The following ZNF503 variants were observed in gnomAD, a reference collection of about 807,000 sequenced individuals.
ZNF503 encodes zinc finger protein 503, also known as NocA-like zinc finger 2.
A neutral mutation model predicts 34.4 loss-of-function variants in ZNF503; 15 were observed. The ratio of observed to expected loss-of-function variants is 0.44; its 90% confidence interval spans 0.29 to 0.67. The LOEUF is 0.67. Among genes scored for constraint, ZNF503 ranks in the 30% least tolerant of loss-of-function variants. ZNF503 has a pLI of 0.13. For missense variants in ZNF503, 1,007 were observed against 926.8 expected (o/e 1.09, Z -1.12); for synonymous variants, 580 against 456.8 (o/e 1.27, Z -3.44).
At chr10:75,347,625 T>A in the ZNF503 span, among the ~76,000 whole-genome samples, 1 of 152,192 alleles carries the variant, frequency 6.6e-6, no homozygotes, top group African/African-American at 2.4e-5. Context: ...CCCAGCCTTC[T>A]CTCCCTCGGA....
Position 75,399,203 on chromosome 10 carries a change from G to C in ZNF503, c.1487C>G (p.Ala496Gly), listed in dbSNP as rs1843745956. The change falls in exon 2 of 2, where the codon GCC (alanine) becomes GGC (glycine). Residue 496 changes from alanine to glycine, a missense_variant. By Grantham distance (60) the Ala-to-Gly change is moderately conservative. Coordinates refer to ENST00000372524, the MANE Select transcript of ZNF503 (RefSeq NM_032772.6). ...GCCGTAGGGGTAGAGGGGGTGGCCG[G>C]CCAGGGAGGGCGGTGTGGCGCCAGC... ...AAAGATPPSL[A>G]GHPLYPYGFM... The C allele has an allele frequency of 6.3e-7, 1 of 1,597,474 alleles. No homozygotes were observed. Among genetic ancestry groups the C allele is most frequent in the African/African-American group, 1.3e-5 (1 of 74,732 alleles).
the ZNF503 span, among the ~76,000 whole-genome samples, chr10:75,293,473 C>G: frequency 6.6e-6 from 1 of 152,174 alleles, no homozygotes; most frequent in Non-Finnish European, 1.5e-5. Context: ...CACACCTGAG[C>G]TGGCCCTGCT....
At chr10:75,385,717 G>A in the ZNF503 span, among the ~76,000 whole-genome samples, 2 of 152,242 alleles carry the variant, frequency 1.3e-5, no homozygotes, top group Non-Finnish European at 2.9e-5. Flanking sequence ...CGAGGAAGGA[G>A]TGTCAGCTCC....
the ZNF503 span, among the ~76,000 whole-genome samples, chr10:75,321,429 G>A: frequency 6.6e-6 from 1 of 152,176 alleles, no homozygotes; most frequent in Non-Finnish European, 1.5e-5. Flanking sequence ...AACAGGCAGA[G>A]GCAGGAACAG....
At chr10:75,281,401 T>G in the ZNF503 span, among the ~76,000 whole-genome samples, 3 of 152,018 alleles carry the variant, frequency 2.0e-5, no homozygotes, top group Non-Finnish European at 4.4e-5. Flanking sequence ...GTGGGACAGG[T>G]GATGAGCACA....
chr10:75,389,029 C>A, the ZNF503 span, among the ~76,000 whole-genome samples: 1 of 152,134 alleles, frequency 6.6e-6, no homozygotes, highest in Non-Finnish European at 1.5e-5. Flanking sequence ...TTCCCTCAAC[C>A]CACAAAAGGC....
the ZNF503 span, among the ~76,000 whole-genome samples, chr10:75,352,275 G>A: frequency 6.6e-6 from 1 of 152,224 alleles, no homozygotes; most frequent in Non-Finnish European, 1.5e-5. Flanking sequence ...GAGAGGCAAG[G>A]CCCTGCCCTC....
chr10:75,324,481 A>G, the ZNF503 span, among the ~76,000 whole-genome samples: 1 of 151,972 alleles, frequency 6.6e-6, no homozygotes, highest in South Asian at 2.1e-4. Flanking sequence ...GACACATACC[A>G]CCACACCTGG....
chr10:75,317,712 GT>G, the ZNF503 span, among the ~76,000 whole-genome samples: 1 of 152,090 alleles, frequency 6.6e-6, no homozygotes, highest in East Asian at 1.9e-4. Context: ...ATAATGTCTT[GT>G]GGCCAGGTGT....
chr10:75,306,181 A>C, the ZNF503 span, among the ~76,000 whole-genome samples: 1 of 152,178 alleles, frequency 6.6e-6, no homozygotes, highest in African/African-American at 2.4e-5. Flanking sequence ...CAATTTCTCC[A>C]CATCCTTGCC....
At chr10:75,287,660 G>A in the ZNF503 span, among the ~76,000 whole-genome samples, 1 of 152,216 alleles carries the variant, frequency 6.6e-6, no homozygotes, top group Non-Finnish European at 1.5e-5. Context: ...CAGGGCAGGA[G>A]TGAGTGGACC....
rs1386996251 is a variant in ZNF503, at chr10:75,398,180, TTG to T, written c.*567_*568del. 2 of 152,660 alleles carry T rather than the reference TTG, an allele frequency of 1.3e-5. No homozygotes were observed. Among genetic ancestry groups the T allele is most frequent in the Admixed American group, 6.5e-5 (1 of 15,288 alleles). The allele number at this position is 152,660 out of a possible 1,614,324, so 9.5% of individuals were successfully genotyped here. ...TTTTGTAACAAACATGCATGTAAAT[TTG>T]TGTTTCAATCAGACATTAAATAACG... is the stretch of plus-strand genomic sequence containing the variant. On this transcript the variant is annotated 3_prime_UTR_variant, in exon 2 of 2. Coordinates refer to ENST00000372524, the MANE Select transcript of ZNF503 (RefSeq NM_032772.6).
the ZNF503 span, among the ~76,000 whole-genome samples, chr10:75,351,449 G>A: frequency 2.0e-5 from 3 of 152,072 alleles, no homozygotes; most frequent in Admixed American, 6.5e-5. Flanking sequence ...TGGGATTACC[G>A]GTGTGAGTCA....
chr10:75,288,312 G>A, the ZNF503 span: 10 of 152,516 alleles, frequency 6.6e-5, no homozygotes, highest in African/African-American at 1.9e-4. Context: ...TAGAGGAAGT[G>A]TGCCTGGGCC....
At chr10:75,383,756 C>G in the ZNF503 span, among the ~76,000 whole-genome samples, 1 of 152,230 alleles carries the variant, frequency 6.6e-6, no homozygotes, top group South Asian at 2.1e-4. Context: ...CTGAATGAGC[C>G]AGCCCTGTGC....
chr10:75,367,712 G>GA, the ZNF503 span, among the ~76,000 whole-genome samples: 16 of 152,232 alleles, frequency 1.1e-4, no homozygotes, highest in Admixed American at 9.8e-4. Flanking sequence ...ACACAAAGCA[G>GA]AAGGTGGCTG....
At chr10:75,386,289 G>A in the ZNF503 span, among the ~76,000 whole-genome samples, 43 of 152,240 alleles carry the variant, frequency 2.8e-4, 1 homozygote, top group South Asian at 7.7e-3. Context: ...ATATCCTAGG[G>A]GACAAAGGAG....
the ZNF503 span, among the ~76,000 whole-genome samples, chr10:75,361,865 C>G: frequency 6.6e-6 from 1 of 152,108 alleles, no homozygotes; most frequent in Admixed American, 6.5e-5. Context: ...GTGGGAAGGA[C>G]AAAAGAGAGG....
rs1274016386 is a variant in ZNF503 at position 75,399,627 on chromosome 10, C to T, written c.1063G>A (p.Ala355Thr). The change falls in exon 2 of 2, where the codon GCG becomes ACG. Residue 355 changes from alanine (A) to threonine (T), a missense_variant. Ala to Thr is a moderately conservative substitution (Grantham distance 58). Transcript: ENST00000372524. Reference protein sequence around the residue: ...PGQTVFPLPPAGMTYPGSLAG... With the variant: ...PGQTVFPLPPTGMTYPGSLAG... Reference sequence around the variant, plus strand: ...AGGCTGCCTGGGTAGGTCATACCCGCGGGAGGCAGAGGGAACACTGTCTGG... The same window carrying T: ...AGGCTGCCTGGGTAGGTCATACCCGTGGGAGGCAGAGGGAACACTGTCTGG... 6 of 1,598,460 alleles carry T rather than the reference C, an allele frequency of 3.8e-6. No homozygotes were observed. Among genetic ancestry groups the T allele is most frequent in the African/African-American group, 1.3e-5 (1 of 74,900 alleles).
Sources: allele counts gnomAD v4.1 joint callset (sites outside exome capture counted in the v4.1 genomes callset), GRCh38; gene constraint gnomAD v4.1.1; transcripts MANE v1.5; gene names NCBI Gene and HGNC (gene_info 2026-07-23, HGNC 2026-07-21).